Variants in GRID2 observed in about 807,000 individuals in gnomAD.
The protein encoded by GRID2 is glutamate ionotropic receptor delta type subunit 2.
In GRID2, 33 loss-of-function variants were observed where a neutral mutation model predicts 114.8. That is an observed-to-expected ratio of 0.29 (90% confidence interval 0.22 to 0.38). GRID2 has a LOEUF of 0.38. GRID2 is among the 10% of genes least tolerant of loss of function. The pLI is 1.00. For synonymous variants in GRID2, 505 were observed against 449.9 expected, an observed-to-expected ratio of 1.12 and a Z score of -1.55; for missense variants, 1,184 against 1,257.7, an observed-to-expected ratio of 0.94 and a Z score of 0.89.
intron 2 of GRID2, among the ~76,000 whole-genome samples, chr4:92,774,731 G>T (rs1738706809): frequency 2.6e-5 from 4 of 151,556 alleles, no homozygotes; most frequent in Admixed American, 2.6e-4. Context: ...AAATAGCTGG[G>T]ACTACAGGCT....
chr4:92,542,999 A>G (rs1218850475), intron 1 of GRID2, among the ~76,000 whole-genome samples: 1 of 148,224 alleles, frequency 6.7e-6, no homozygotes, highest in Non-Finnish European at 1.5e-5. Context: ...TAAATAAACA[A>G]ACAGTACCAT....
chr4:92,306,078 G>A (rs2110101570), intron 1 of GRID2, among the ~76,000 whole-genome samples: 1 of 152,336 alleles, frequency 6.6e-6, no homozygotes, highest in South Asian at 2.1e-4. Flanking sequence ...ATCTGCTGCA[G>A]GTGGCGATTG....
intron 2 of GRID2, among the ~76,000 whole-genome samples, chr4:92,919,017 C>A (rs1028711112): frequency 5.9e-5 from 9 of 152,132 alleles, no homozygotes; most frequent in Non-Finnish European, 1.0e-4. Context: ...TAATTATTGC[C>A]TCAATTTCAG....
intron 14 of GRID2, among the ~76,000 whole-genome samples, chr4:93,643,855 C>T (rs1186168144): frequency 4.3e-4 from 36 of 84,662 alleles, no homozygotes; most frequent in African/African-American, 5.4e-4. Flanking sequence ...TTCGAGCTTC[C>T]AGGCTGCTTT....
At chr4:92,807,853 G>A (rs1740491921) in intron 2 of GRID2, among the ~76,000 whole-genome samples, 1 of 151,904 alleles carries the variant, frequency 6.6e-6, no homozygotes, top group African/African-American at 2.4e-5. Flanking sequence ...ATTATTTTGT[G>A]GAAATCAGCT....
intron 2 of GRID2, among the ~76,000 whole-genome samples, chr4:93,044,235 T>G (rs976806485): frequency 1.0e-3 from 159 of 152,262 alleles, no homozygotes; most frequent in African/African-American, 3.7e-3. Flanking sequence ...TATTTCTCAT[T>G]AGGCATTGCA....
intron 2 of GRID2, among the ~76,000 whole-genome samples, chr4:92,618,971 C>T (rs1730141385): frequency 6.6e-6 from 1 of 151,626 alleles, no homozygotes; most frequent in Non-Finnish European, 1.5e-5. Context: ...AGAGTGGGGA[C>T]AATATGGCTT....
intron 13 of GRID2, among the ~76,000 whole-genome samples, chr4:93,603,458 T>C (rs1184464225): frequency 2.0e-5 from 3 of 152,102 alleles, no homozygotes; most frequent in African/African-American, 7.2e-5. Context: ...AAAGAAGCCG[T>C]CTCCATAAAA....
At chr4:93,401,965 C>A in intron 9 of GRID2, among the ~76,000 whole-genome samples, 1 of 149,308 alleles carries the variant, frequency 6.7e-6, no homozygotes, top group African/African-American at 2.5e-5. Flanking sequence ...GATATATGGG[C>A]ACCAGAGTCT....
At chr4:92,709,727 G>A (rs1341023143) in intron 2 of GRID2, among the ~76,000 whole-genome samples, 2 of 151,714 alleles carry the variant, frequency 1.3e-5, no homozygotes, top group Admixed American at 6.6e-5. Context: ...AGCTTAGCAA[G>A]ATGCCATTTT....
chr4:93,675,028 T>A (rs577068868), intron 14 of GRID2, among the ~76,000 whole-genome samples: 2 of 152,310 alleles, frequency 1.3e-5, no homozygotes, highest in East Asian at 3.9e-4. Flanking sequence ...GTCTTGATTA[T>A]AAGCCAATTA....
At chr4:92,716,091 G>A (rs1735533387) in intron 2 of GRID2, among the ~76,000 whole-genome samples, 1 of 152,142 alleles carries the variant, frequency 6.6e-6, no homozygotes, top group South Asian at 2.1e-4. Context: ...ATAGTCATTA[G>A]CAAGGATGAG....
chr4:93,056,172 TGAAAAG>T (rs944658621), intron 2 of GRID2, among the ~76,000 whole-genome samples: 4 of 152,034 alleles, frequency 2.6e-5, no homozygotes, highest in African/African-American at 9.6e-5. Flanking sequence ...TCACCCAAAC[TGAAAAG>T]GAAAAGTATT....
At chr4:92,585,793 T>G (rs1371777994) in intron 1 of GRID2, among the ~76,000 whole-genome samples, 1 of 151,864 alleles carries the variant, frequency 6.6e-6, no homozygotes, top group African/African-American at 2.4e-5. Flanking sequence ...TTTTCAATAT[T>G]CAAACTAAAA....
chr4:93,366,878 T>C (rs1762389876), intron 8 of GRID2, among the ~76,000 whole-genome samples: 3 of 152,044 alleles, frequency 2.0e-5, no homozygotes, highest in African/African-American at 7.2e-5. Context: ...TCAAAGCATA[T>C]TTCTACCTTC....
intron 2 of GRID2, among the ~76,000 whole-genome samples, chr4:92,880,568 A>G (rs1017721800): frequency 2.6e-5 from 4 of 152,222 alleles, no homozygotes; most frequent in Non-Finnish European, 5.9e-5. Flanking sequence ...ACTGTATATC[A>G]TAGAAAGTGT....
At position 93,224,688 on chromosome 4, in the gene GRID2, G is replaced by A. The variant is rs1293253864; in HGVS notation, c.1038G>A (p.Lys346=). Residue 346 remains lysine (K), a synonymous_variant, in exon 7 of 16, where the codon AAG becomes AAA. Transcript: ENST00000282020. ...TTCATAAGAAGCTGGAGGACCGAAA[G>A]TGGCACAGCATGGCAAGTCTGTCAT... ...NAFHKKLEDR[K]WHSMASLSCI... 6.2e-7 allele frequency: 1 copy of A among 1,612,258 alleles called. No homozygotes were observed. The highest frequency in any genetic ancestry group is 1.7e-5 in the Admixed American group (1 of 59,892).
At chr4:93,753,859 A>G (rs1732534105) in intron 14 of GRID2, among the ~76,000 whole-genome samples, 1 of 152,166 alleles carries the variant, frequency 6.6e-6, no homozygotes, top group Non-Finnish European at 1.5e-5. Context: ...CTGAGCTGTA[A>G]TTTAGTGCTT....
rs149413234 is a variant in GRID2 at position 93,227,536 on chromosome 4, G to C, written c.1125+2761G>C. On this transcript the variant is annotated intron_variant, in intron 7 of 15. Transcript: ENST00000282020. ...GCCACCATGCCTGTCCCTGAACATA[G>C]GTTTTCACTCTTTACATAGCCACCC... is the stretch of plus-strand genomic sequence containing the variant. Among the ~76,000 whole-genome samples the C allele has an allele frequency of 7.5e-3, 1,138 of 152,082 alleles. 12 individuals carry two copies. The highest frequency in any genetic ancestry group is 0.026 in the African/African-American group (1,090 of 41,514).
Sources: allele counts gnomAD v4.1 joint callset (sites outside exome capture counted in the v4.1 genomes callset), GRCh38; gene constraint gnomAD v4.1.1; transcripts MANE v1.5; gene names NCBI Gene and HGNC (gene_info 2026-07-23, HGNC 2026-07-21).